RSPH14: variants seen among roughly 807,000 people sequenced by gnomAD.
RSPH14 encodes the protein radial spoke head 14 homolog, also known as rhabdoid tumor deletion region gene 1.
RSPH14 carries 20 observed loss-of-function variants against 26.7 expected under a neutral mutation model. The observed-to-expected ratio is 0.75, with a 90% CI of 0.53 to 1.09. The LOEUF (loss-of-function observed/expected upper bound fraction) is 1.09. Among genes scored for constraint, RSPH14 ranks in the 50% least tolerant of loss-of-function variants. The probability of loss-of-function intolerance (pLI) is 0.00; values close to 1 mark genes in which losing one functional copy is unlikely to be tolerated. For missense variants in RSPH14, 449 were observed against 457.2 expected, an observed-to-expected ratio of 0.98 and a Z score of 0.16; for synonymous variants, 177 against 189.3, an observed-to-expected ratio of 0.93 and a Z score of 0.53.
At chr22:23,145,961 T>G (rs1053214793), upstream of RSPH14, 1 of 985,030 alleles carries the variant, frequency 1.0e-6, no homozygotes, top group Admixed American at 6.1e-5. Flanking sequence ...CTTTGCAGAC[T>G]GGGAGCAGGA....
At chr22:23,067,344 C>G (rs754736987) in intron 4 of RSPH14, among the ~76,000 whole-genome samples, 2 of 152,178 alleles carry the variant, frequency 1.3e-5, no homozygotes, top group African/African-American at 4.8e-5. Context: ...CCTCTGGCTA[C>G]AGCAAAGCCC....
intron 4 of RSPH14, among the ~76,000 whole-genome samples, chr22:23,105,416 AC>A (rs898253973): frequency 1.6e-4 from 25 of 152,118 alleles, no homozygotes; most frequent in African/African-American, 5.8e-4. Flanking sequence ...TCTCCCCACT[AC>A]CCCCAGTTTC....
the RSPH14 span, among the ~76,000 whole-genome samples, chr22:23,169,721 G>A: frequency 1.3e-3 from 192 of 152,264 alleles, no homozygotes; most frequent in Non-Finnish European, 1.6e-3. Flanking sequence ...CCTGGTGAGG[G>A]CTGGTTGGAT....
chr22:23,110,201 C>T (rs1485958385), intron 4 of RSPH14, among the ~76,000 whole-genome samples: 1 of 152,060 alleles, frequency 6.6e-6, no homozygotes, highest in Non-Finnish European at 1.5e-5. Context: ...GGCAAAGGGG[C>T]CTAGGCAAGC....
At chr22:23,092,142 C>A (rs1412680972) in intron 4 of RSPH14, among the ~76,000 whole-genome samples, 2 of 152,122 alleles carry the variant, frequency 1.3e-5, no homozygotes, top group African/African-American at 4.8e-5. Flanking sequence ...TGGCCTTTGT[C>A]TCTTGGCCAA....
chr22:23,097,358 G>A (rs1396751045), intron 4 of RSPH14, among the ~76,000 whole-genome samples: 3 of 152,198 alleles, frequency 2.0e-5, no homozygotes, highest in Admixed American at 1.3e-4. Context: ...AGCAACAATG[G>A]TTCTAGCTTT....
intron 4 of RSPH14, among the ~76,000 whole-genome samples, chr22:23,080,451 G>T (rs1203790392): frequency 1.3e-5 from 2 of 152,236 alleles, no homozygotes; most frequent in East Asian, 3.8e-4. Flanking sequence ...TTGTCTGTAG[G>T]ATGGGGACAC....
chr22:23,078,548 G>A (rs117706061), intron 4 of RSPH14, among the ~76,000 whole-genome samples: 34 of 152,194 alleles, frequency 2.2e-4, no homozygotes, highest in Admixed American at 9.8e-4. Context: ...GTCTTGCCAC[G>A]CTGGCTGTTC....
chr22:23,080,055 T>C (rs946494766), intron 4 of RSPH14, among the ~76,000 whole-genome samples: 1 of 152,200 alleles, frequency 6.6e-6, no homozygotes, highest in East Asian at 1.9e-4. Flanking sequence ...GCCAGGAGCC[T>C]GGGGCTACGG....
At chr22:23,161,463 C>A in the RSPH14 span, 35 of 1,549,214 alleles carry the variant, frequency 2.3e-5, no homozygotes, top group South Asian at 3.7e-4. Context: ...CTACAGGATT[C>A]CTGGTTGATG....
chr22:23,151,267 A>G, the RSPH14 span, among the ~76,000 whole-genome samples: 7 of 152,234 alleles, frequency 4.6e-5, no homozygotes, highest in South Asian at 1.4e-3. Context: ...CTTCACACAG[A>G]TGATCTCCCT....
At chr22:23,060,854 C>A (rs1440423212) in intron 6 of RSPH14, among the ~76,000 whole-genome samples, 6 of 152,200 alleles carry the variant, frequency 3.9e-5, no homozygotes, top group African/African-American at 1.4e-4. Flanking sequence ...GAATAAGTGG[C>A]CTCATCTCCC....
At chr22:23,123,212 G>C (rs367612065) in intron 4 of RSPH14, 1 of 1,613,966 alleles carries the variant, frequency 6.2e-7, no homozygotes, top group Non-Finnish European at 8.5e-7. Context: ...GCCGCATCCC[G>C]CTCACCATCT....
intron 4 of RSPH14, among the ~76,000 whole-genome samples, chr22:23,121,985 C>T (rs1331934117): frequency 1.3e-5 from 2 of 152,150 alleles, no homozygotes; most frequent in Non-Finnish European, 2.9e-5. Context: ...CCTGCCTCAG[C>T]CTCCTAAAGT....
intron 4 of RSPH14, among the ~76,000 whole-genome samples, chr22:23,106,805 G>A (rs1257038404): frequency 6.6e-6 from 1 of 152,252 alleles, no homozygotes; most frequent in Non-Finnish European, 1.5e-5. Flanking sequence ...TCGGGTTTCA[G>A]GAAAAGTTGT....
At chr22:23,177,497 A>G in the RSPH14 span, among the ~76,000 whole-genome samples, 1 of 152,134 alleles carries the variant, frequency 6.6e-6, no homozygotes, top group African/African-American at 2.4e-5. Flanking sequence ...GTTTAGATCT[A>G]GTTGGAACAG....
At chr22:23,096,567 A>G (rs556561840) in intron 4 of RSPH14, 2 of 815,952 alleles carry the variant, frequency 2.5e-6, no homozygotes, top group East Asian at 4.9e-5. Context: ...AGGCAGCTCC[A>G]GCAAGGTGGG....
the RSPH14 span, chr22:23,162,544 C>T: frequency 1.2e-5 from 5 of 434,708 alleles, no homozygotes; most frequent in Non-Finnish European, 1.9e-5. Flanking sequence ...CTAGCATGTT[C>T]CTGTCTCCAA....
Sources: allele counts gnomAD v4.1 joint callset (sites outside exome capture counted in the v4.1 genomes callset), GRCh38; gene constraint gnomAD v4.1.1; transcripts MANE v1.5; gene names NCBI Gene and HGNC (gene_info 2026-07-23, HGNC 2026-07-21).